PRDM5: variants seen among roughly 807,000 people sequenced by gnomAD.
The protein encoded by PRDM5 is PR/SET domain 5.
PRDM5 carries 56 observed loss-of-function variants against 81.2 expected under a neutral mutation model. The observed-to-expected ratio is 0.69, with a 90% CI of 0.56 to 0.86. The LOEUF is 0.86. Among genes scored for constraint, PRDM5 ranks in the 40% least tolerant of loss-of-function variants. The pLI, the probability that PRDM5 is intolerant of heterozygous loss-of-function variation, is 0.00. For missense variants in PRDM5, 697 were observed against 770.1 expected, an observed-to-expected ratio of 0.91 and a Z score of 1.12; for synonymous variants, 267 against 256.4, an observed-to-expected ratio of 1.04 and a Z score of -0.39.
chr4:120,808,604 G>C (rs1469135159), intron 8 of PRDM5, among the ~76,000 whole-genome samples: 1 of 152,154 alleles, frequency 6.6e-6, no homozygotes, highest in Non-Finnish European at 1.5e-5. Flanking sequence ...CCCGCGCTGT[G>C]TGCCCACACT....
chr4:120,696,532 T>G (rs536821641), intron 15 of PRDM5, among the ~76,000 whole-genome samples: 3 of 152,280 alleles, frequency 2.0e-5, no homozygotes, highest in African/African-American at 7.2e-5. Context: ...CACCTGGAAT[T>G]CTGACTCTAC....
At chr4:120,900,180 T>C (rs1410161455) in intron 2 of PRDM5, among the ~76,000 whole-genome samples, 2 of 152,102 alleles carry the variant, frequency 1.3e-5, no homozygotes, top group Non-Finnish European at 2.9e-5. Flanking sequence ...ATGACTGATA[T>C]TAGTCACTAG....
intron 3 of PRDM5, among the ~76,000 whole-genome samples, chr4:120,842,152 G>A (rs1239903183): frequency 6.6e-6 from 1 of 152,128 alleles, no homozygotes; most frequent in African/African-American, 2.4e-5. Context: ...TCTGTAAAAA[G>A]ACTTTTGACA....
intron 15 of PRDM5, among the ~76,000 whole-genome samples, chr4:120,697,545 G>A (rs1206054803): frequency 6.7e-6 from 1 of 148,360 alleles, no homozygotes. Context: ...AGATGTCGCT[G>A]TCACCCATGC....
chr4:120,817,525 A>AGAAAGACG (rs202090982), intron 5 of PRDM5, among the ~76,000 whole-genome samples: 2 of 60,316 alleles, frequency 3.3e-5, no homozygotes, highest in African/African-American at 1.5e-4. Context: ...AAGAGAAGAG[A>AGAAAGACG]TATGTTGATG....
In PRDM5 at chr4:120,786,810, T is replaced by C. The variant is rs183896507; in HGVS notation, c.1189-1719A>G. 2.0e-4 allele frequency among the ~76,000 whole-genome samples: 30 copies of C among 152,274 alleles called. No individual in the cohort carries two copies. In the East Asian group the frequency reaches 5.4e-3, roughly 27 times the overall value. On this transcript the variant is annotated intron_variant, in intron 10 of 15. Transcript: ENST00000264808. ...AAACAGAAGTGTAATGTTGCTAATA[T>C]AAGAAGTTATGGCATCTTAATAAGA... is the stretch of plus-strand genomic sequence containing the variant.
chr4:120,915,131 C>T (rs947096235), intron 1 of PRDM5, among the ~76,000 whole-genome samples: 3 of 151,984 alleles, frequency 2.0e-5, no homozygotes, highest in Non-Finnish European at 4.4e-5. Flanking sequence ...CACTTGTACC[C>T]CTAAAGCTAT....
rs775032694 is a variant in PRDM5 at position 120,693,105 on chromosome 4, C to A, written c.*2006G>T. On this transcript the variant is annotated 3_prime_UTR_variant, in exon 16 of 16. Coordinates refer to ENST00000264808, the MANE Select transcript of PRDM5 (RefSeq NM_018699.4). ...AAACCTTCAGCAGGATAAAGCCCAG[C>A]ACCTCTTGCCTGTCTGTTTACTCCA... The A allele has an allele frequency of 7.2e-5, 11 of 152,014 alleles. No individual in the cohort carries two copies. The highest frequency in any genetic ancestry group is 1.2e-4 in the Non-Finnish European group (8 of 68,002). 9.4% of individuals were successfully genotyped at this position (152,014 alleles called of 1,614,324 possible). A position where few individuals can be genotyped will look rare whatever the true frequency, so the allele number is the denominator to read the frequency against.
chr4:120,744,659 G>A (rs1359087937), intron 14 of PRDM5, among the ~76,000 whole-genome samples: 4 of 151,900 alleles, frequency 2.6e-5, no homozygotes, highest in South Asian at 4.2e-4. Flanking sequence ...ACACCTCTAC[G>A]CAAATAAACT....
At chr4:120,824,583 T>C (rs935450566) in intron 3 of PRDM5, among the ~76,000 whole-genome samples, 1 of 152,238 alleles carries the variant, frequency 6.6e-6, no homozygotes, top group African/African-American at 2.4e-5. Context: ...TGAATGGTTT[T>C]ACAATTGTTA....
downstream of PRDM5, among the ~76,000 whole-genome samples, chr4:120,687,418 A>G (rs1013055688): frequency 6.6e-6 from 1 of 152,140 alleles, no homozygotes; most frequent in African/African-American, 2.4e-5. Flanking sequence ...TTCATTTAGC[A>G]TAATGTCCTC....
chr4:120,765,862 A>G (rs188996720), intron 13 of PRDM5, among the ~76,000 whole-genome samples: 63 of 152,354 alleles, frequency 4.1e-4, no homozygotes, highest in Admixed American at 3.7e-3. Flanking sequence ...AATAGCTCAC[A>G]GTATCACATG....
intron 2 of PRDM5, among the ~76,000 whole-genome samples, chr4:120,887,689 T>C (rs1173478905): frequency 6.6e-6 from 1 of 152,170 alleles, no homozygotes; most frequent in Non-Finnish European, 1.5e-5. Flanking sequence ...TTTCTTCACC[T>C]AGTTCTTCTT....
At chr4:120,754,205 TA>T in intron 14 of PRDM5, among the ~76,000 whole-genome samples, 1 of 152,166 alleles carries the variant, frequency 6.6e-6, no homozygotes, top group East Asian at 1.9e-4. Context: ...CAGACTCTAT[TA>T]AAAAATGTTC....
chr4:120,861,196 T>C (rs1262654889), intron 2 of PRDM5, among the ~76,000 whole-genome samples: 1 of 152,010 alleles, frequency 6.6e-6, no homozygotes, highest in African/African-American at 2.4e-5. Context: ...TTGGTAAAGA[T>C]GGGGTTTTGC....
intron 10 of PRDM5, among the ~76,000 whole-genome samples, chr4:120,791,762 C>T (rs1396902243): frequency 2.0e-5 from 3 of 152,128 alleles, no homozygotes; most frequent in Non-Finnish European, 4.4e-5. Context: ...CGTCTTAACC[C>T]CCAATGTGAT....
At chr4:120,818,555 T>C in intron 4 of PRDM5, 28 bp from the exon 5 acceptor site, 2 of 1,595,272 alleles carry the variant, frequency 1.3e-6, no homozygotes, top group African/African-American at 1.3e-5. Context: ...AACATATTCA[T>C]GAGACAAAAA....
At chr4:120,819,925 C>G (rs970728601) in intron 4 of PRDM5, among the ~76,000 whole-genome samples, 2 of 152,200 alleles carry the variant, frequency 1.3e-5, no homozygotes, top group African/African-American at 4.8e-5. Flanking sequence ...AATGTTCACA[C>G]TTTCTCAGCC....
At chr4:120,919,633 A>C (rs1210352599) in intron 1 of PRDM5, among the ~76,000 whole-genome samples, 1 of 152,162 alleles carries the variant, frequency 6.6e-6, no homozygotes, top group Non-Finnish European at 1.5e-5. Flanking sequence ...CTTAACTTTA[A>C]ATTTTTATTG....
Sources: allele counts gnomAD v4.1 joint callset (sites outside exome capture counted in the v4.1 genomes callset), GRCh38; gene constraint gnomAD v4.1.1; transcripts MANE v1.5; gene names NCBI Gene and HGNC (gene_info 2026-07-23, HGNC 2026-07-21).